The following DLG2 variants were observed in gnomAD, a reference collection of about 807,000 sequenced individuals.
DLG2 encodes disks large homolog 2.
Under a neutral mutation model 132.5 loss-of-function variants are expected in DLG2, and 45 were observed. That is an observed-to-expected ratio of 0.34 (90% CI 0.27 to 0.44). The LOEUF (loss-of-function observed/expected upper bound fraction) is 0.44. Ranked by LOEUF, DLG2 falls within the 20% of genes least tolerant of loss-of-function variation. DLG2 has a pLI of 1.00. For missense variants in DLG2, 1,045 were observed against 1,196.9 expected (o/e 0.87, Z 1.87); for synonymous variants, 424 against 419.6 (o/e 1.01, Z -0.13).
intron 15 of DLG2, among the ~76,000 whole-genome samples, chr11:83,919,080 G>A (rs1447355958): frequency 6.6e-6 from 1 of 152,154 alleles, no homozygotes; most frequent in Non-Finnish European, 1.5e-5. Flanking sequence ...GGAAAGTGTT[G>A]TATTGTGAAA....
intron 3 of DLG2, among the ~76,000 whole-genome samples, chr11:85,597,600 T>C (rs1325443054): frequency 2.0e-5 from 3 of 151,884 alleles, no homozygotes; most frequent in Non-Finnish European, 2.9e-5. Context: ...TTTTATTCAA[T>C]AGACCGATTT....
rs574179997 is a variant in DLG2 at position 84,801,422 on chromosome 11, C to T, written c.358-266691G>A. On this transcript the variant is annotated intron_variant, in intron 6 of 27. Transcript: ENST00000376104. ...GTCTCTACTAAAAAAATACGAAAAA[C>T]TAGCCGGGTGTGGTGGCGGGCGCCT... 4.1e-4 allele frequency among the ~76,000 whole-genome samples: 63 copies of T among 152,220 alleles called. 1 individual carries two copies. The highest frequency in any genetic ancestry group is 6.8e-3 in the Middle Eastern group (2 of 294).
intron 17 of DLG2, among the ~76,000 whole-genome samples, chr11:83,823,527 G>A (rs913124621): frequency 2.0e-5 from 3 of 152,102 alleles, no homozygotes; most frequent in Non-Finnish European, 2.9e-5. Flanking sequence ...AAATCTAAAA[G>A]CTTTAATGTA....
chr11:85,622,274 A>G (rs545606898), intron 2 of DLG2, among the ~76,000 whole-genome samples: 1 of 152,268 alleles, frequency 6.6e-6, no homozygotes, highest in East Asian at 1.9e-4. Flanking sequence ...GTGCATATAT[A>G]CCGTAGTATA....
chr11:84,791,666 A>G (rs1405131480), intron 6 of DLG2, among the ~76,000 whole-genome samples: 2 of 151,796 alleles, frequency 1.3e-5, no homozygotes, highest in Non-Finnish European at 2.9e-5. Flanking sequence ...TTCTTTGACT[A>G]ATTCCTAGAT....
intron 7 of DLG2, among the ~76,000 whole-genome samples, chr11:84,286,705 G>GC (rs2097913577): frequency 6.6e-6 from 1 of 152,082 alleles, no homozygotes; most frequent in Non-Finnish European, 1.5e-5. Flanking sequence ...ATAGCCTAAG[G>GC]GCCATAATGG....
intron 8 of DLG2, among the ~76,000 whole-genome samples, chr11:84,245,359 T>A (rs948493234): frequency 6.6e-6 from 1 of 152,200 alleles, no homozygotes; most frequent in African/African-American, 2.4e-5. Flanking sequence ...TTATATGATA[T>A]TATAATTGTC....
intron 6 of DLG2, among the ~76,000 whole-genome samples, chr11:84,599,402 C>T (rs1413916445): frequency 2.0e-5 from 3 of 152,204 alleles, no homozygotes; most frequent in African/African-American, 7.2e-5. Context: ...TAGGCAGAAT[C>T]AGCTTTCTCC....
chr11:83,472,000 C>G (rs986383760), intron 23 of DLG2, among the ~76,000 whole-genome samples: 1 of 152,094 alleles, frequency 6.6e-6, no homozygotes, highest in African/African-American at 2.4e-5. Flanking sequence ...TGCTTACTCT[C>G]TGGCTCTGCC....
chr11:85,505,579 G>A (rs1050655198), intron 3 of DLG2, among the ~76,000 whole-genome samples: 2 of 152,080 alleles, frequency 1.3e-5, no homozygotes, highest in African/African-American at 4.8e-5. Flanking sequence ...CGACTTGATG[G>A]TGGTGGATAA....
intron 9 of DLG2, among the ~76,000 whole-genome samples, chr11:84,154,971 A>G (rs967863771): frequency 7.2e-4 from 109 of 152,328 alleles, no homozygotes; most frequent in Non-Finnish European, 1.3e-3. Flanking sequence ...ATCAGAGTGC[A>G]CAGGCAACCT....
intron 10 of DLG2, among the ~76,000 whole-genome samples, chr11:84,071,792 A>G (rs1464291343): frequency 6.6e-6 from 1 of 152,212 alleles, no homozygotes; most frequent in African/African-American, 2.4e-5. Context: ...TTAAAATGAA[A>G]TCTTACTTAG....
At chr11:83,998,690 T>C (rs984016667) in intron 11 of DLG2, among the ~76,000 whole-genome samples, 20 of 152,148 alleles carry the variant, frequency 1.3e-4, no homozygotes, top group African/African-American at 4.8e-4. Flanking sequence ...AATTCTGTGA[T>C]GGCACTGCTC....
intron 6 of DLG2, among the ~76,000 whole-genome samples, chr11:84,689,111 A>G (rs962074568): frequency 1.3e-5 from 2 of 152,178 alleles, no homozygotes; most frequent in Non-Finnish European, 2.9e-5. Context: ...TTTTTTCAAC[A>G]TTCAAAAACG....
chr11:85,427,294 C>T (rs371279753), intron 3 of DLG2, among the ~76,000 whole-genome samples: 13 of 152,124 alleles, frequency 8.5e-5, no homozygotes, highest in South Asian at 4.1e-4. Context: ...AGATACTCCT[C>T]GAGAAGAGCA....
Position 84,181,045 on chromosome 11 carries a change from CAG to C in DLG2, c.574-17536_574-17535del, listed in dbSNP as rs2096111203. Among the ~76,000 whole-genome samples, 6 of 151,858 alleles carry C rather than the reference CAG, an allele frequency of 4.0e-5. No individual in the cohort carries two copies. The South Asian group carries it at 1.2e-3, about 32-fold the overall frequency. On this transcript the variant is annotated intron_variant, in intron 8 of 27. Coordinates refer to ENST00000376104, the MANE Select transcript of DLG2 (RefSeq NM_001142699.3). ...AAAAGTTTTATTTTTCTTAATCTAA[CAG>C]ATAACAGTTTGTTCAAAATAATAAT...
intron 8 of DLG2, among the ~76,000 whole-genome samples, chr11:84,214,829 C>T (rs965809044): frequency 6.6e-6 from 1 of 152,090 alleles, no homozygotes; most frequent in African/African-American, 2.4e-5. Flanking sequence ...TCTTTTCAGG[C>T]ACTTAGGTAA....
intron 9 of DLG2, among the ~76,000 whole-genome samples, chr11:84,104,962 A>G (rs1202771449): frequency 6.6e-6 from 1 of 151,930 alleles, no homozygotes; most frequent in Non-Finnish European, 1.5e-5. Flanking sequence ...ACAAACAAAA[A>G]CTGAGGCTGA....
At chr11:85,054,331 T>C (rs1219152300) in intron 6 of DLG2, among the ~76,000 whole-genome samples, 4 of 151,374 alleles carry the variant, frequency 2.6e-5, no homozygotes, top group Non-Finnish European at 5.9e-5. Flanking sequence ...TACTATCTCA[T>C]ACCAGTCAGA....
Sources: gnomAD v4.1 joint callset for allele counts (sites outside exome capture counted in the v4.1 genomes callset) on GRCh38, gnomAD v4.1.1 for gene constraint, MANE v1.5 for transcripts, NCBI Gene and HGNC (gene_info 2026-07-23, HGNC 2026-07-21) for gene names.